The following ZNF804A variants were observed in gnomAD, a reference collection of about 807,000 sequenced individuals.
The protein encoded by ZNF804A is zinc finger protein 804A.
A neutral mutation model predicts 16.5 loss-of-function variants in ZNF804A; 2 were observed. The ratio of observed to expected loss-of-function variants is 0.12; its 90% confidence interval spans 0.05 to 0.38. The LOEUF is 0.38. ZNF804A is among the 10% of genes least tolerant of loss of function. The probability of loss-of-function intolerance (pLI) is 0.99; values close to 1 mark genes in which losing one functional copy is unlikely to be tolerated. For missense variants in ZNF804A, 1,473 were observed against 1,390.7 expected (o/e 1.06, Z -0.94); for synonymous variants, 534 against 489.6 (o/e 1.09, Z -1.20).
chr2:184,864,963 C>T (rs1695852780), intron 1 of ZNF804A, among the ~76,000 whole-genome samples: 1 of 147,828 alleles, frequency 6.8e-6, no homozygotes, highest in South Asian at 2.1e-4. Flanking sequence ...TCACTGCAAC[C>T]TCTGCCTCCC....
At chr2:184,652,754 C>A (rs1156827483) in intron 1 of ZNF804A, among the ~76,000 whole-genome samples, 8 of 152,072 alleles carry the variant, frequency 5.3e-5, no homozygotes, top group Non-Finnish European at 1.0e-4. Context: ...ATTGTAGTTC[C>A]CATAATCCCC....
In ZNF804A at chr2:184,606,526, G is replaced by T. The variant is rs77602866; in HGVS notation, c.111+7456G>T. ...ACACAGAGCCAAATCATATCACGTA[G>T]CCAGTTATTTAATCAAATTCTAATG... On this transcript the variant is annotated intron_variant, in intron 1 of 3. Transcript: ENST00000302277. Among the ~76,000 whole-genome samples the T allele has an allele frequency of 7.9e-3, 1,197 of 152,208 alleles. 20 individuals are homozygous for T. The highest frequency in any genetic ancestry group is 0.027 in the African/African-American group (1,138 of 41,522).
chr2:184,824,070 C>T (rs142818318), intron 1 of ZNF804A, among the ~76,000 whole-genome samples: 4 of 152,116 alleles, frequency 2.6e-5, no homozygotes, highest in Non-Finnish European at 5.9e-5. Context: ...TAGATACGCC[C>T]GGAATGTTCT....
intron 1 of ZNF804A, among the ~76,000 whole-genome samples, chr2:184,604,416 G>A (rs1691107282): frequency 6.6e-6 from 1 of 151,432 alleles, no homozygotes; most frequent in Non-Finnish European, 1.5e-5. Context: ...CTCATGATCC[G>A]CCAGCCTCAG....
At chr2:184,868,637 A>C (rs1695920238) in intron 2 of ZNF804A, among the ~76,000 whole-genome samples, 1 of 152,098 alleles carries the variant, frequency 6.6e-6, no homozygotes, top group South Asian at 2.1e-4. Context: ...ACAAACTTAA[A>C]AGAGAATGAG....
At chr2:184,810,819 A>C (rs532792487) in intron 1 of ZNF804A, among the ~76,000 whole-genome samples, 3 of 152,126 alleles carry the variant, frequency 2.0e-5, no homozygotes, top group Non-Finnish European at 4.4e-5. Flanking sequence ...GAGATTGATC[A>C]AATACACTAA....
intron 1 of ZNF804A, among the ~76,000 whole-genome samples, chr2:184,775,755 A>C (rs1341835950): frequency 6.6e-6 from 1 of 151,658 alleles, no homozygotes; most frequent in African/African-American, 2.4e-5. Flanking sequence ...CTGCTCAAGC[A>C]CTTCCTAGAC....
At chr2:184,666,281 C>T (rs1358396074) in intron 1 of ZNF804A, among the ~76,000 whole-genome samples, 1 of 151,804 alleles carries the variant, frequency 6.6e-6, no homozygotes, top group African/African-American at 2.4e-5. Flanking sequence ...CTCAAAATAG[C>T]CTTATTAATT....
At chr2:184,894,309 CA>C (rs1282969248) in intron 2 of ZNF804A, among the ~76,000 whole-genome samples, 3 of 152,090 alleles carry the variant, frequency 2.0e-5, no homozygotes, top group Non-Finnish European at 2.9e-5. Flanking sequence ...CATATTACTA[CA>C]TATACACCAA....
chr2:184,933,792 G>A (rs1685742758), intron 3 of ZNF804A, 59 bp downstream of exon 3: 2 of 1,532,928 alleles, frequency 1.3e-6, no homozygotes, highest in Admixed American at 2.3e-5. Flanking sequence ...GGGGTATAGG[G>A]GGAGTCAGAA....
At chr2:184,699,435 C>A (rs1692884958) in intron 1 of ZNF804A, among the ~76,000 whole-genome samples, 1 of 152,028 alleles carries the variant, frequency 6.6e-6, no homozygotes, top group Non-Finnish European at 1.5e-5. Context: ...ATCCAGATAA[C>A]CAAGTGACCT....
chr2:184,823,827 G>T (rs1695120541), intron 1 of ZNF804A, among the ~76,000 whole-genome samples: 1 of 151,916 alleles, frequency 6.6e-6, no homozygotes, highest in Non-Finnish European at 1.5e-5. Context: ...TAGTTTGTTG[G>T]GAAATTACAT....
intron 1 of ZNF804A, among the ~76,000 whole-genome samples, chr2:184,678,284 T>C (rs532977151): frequency 1.3e-5 from 2 of 152,228 alleles, no homozygotes; most frequent in South Asian, 4.1e-4. Flanking sequence ...GTGAGTGATT[T>C]TTTATTGCAG....
chr2:184,707,336 A>T (rs977049912), intron 1 of ZNF804A, among the ~76,000 whole-genome samples: 6 of 152,044 alleles, frequency 3.9e-5, no homozygotes, highest in Non-Finnish European at 8.8e-5. Context: ...ATAATGCCAG[A>T]TTTGTTACAT....
chr2:184,642,164 CT>C (rs1021222973), intron 1 of ZNF804A, among the ~76,000 whole-genome samples: 5 of 152,032 alleles, frequency 3.3e-5, no homozygotes, highest in African/African-American at 9.7e-5. Context: ...TATTTTTTTC[CT>C]GAGAGTAAAT....
rs1286833091 is a variant in ZNF804A at position 184,938,082 on chromosome 2, G to A, written c.2686G>A (p.Glu896Lys). The change falls in exon 4 of 4, where the codon GAG becomes AAG. Residue 896 changes from glutamate to lysine, a missense_variant. Physicochemically the swap from Glu to Lys is moderately conservative, Grantham distance 56 (BLOSUM62 1). Coordinates refer to ENST00000302277, the MANE Select transcript of ZNF804A (RefSeq NM_194250.2). ...LLPSETNGET[E>K]HLEMETTSGE... ...TCCTTCTGAAACCAATGGTGAAACT[G>A]AGCATTTAGAAATGGAGACCACTTC... 6.2e-6 allele frequency: 10 copies of A among 1,614,088 alleles called. No homozygotes were observed. The highest frequency in any genetic ancestry group is 8.5e-6 in the Non-Finnish European group (10 of 1,180,024).
chr2:184,899,372 A>C (rs777550014), intron 2 of ZNF804A, among the ~76,000 whole-genome samples: 1 of 152,016 alleles, frequency 6.6e-6, no homozygotes, highest in Non-Finnish European at 1.5e-5. Flanking sequence ...TAATAGGATA[A>C]TTTTTTAAAT....
At chr2:184,711,498 C>T (rs116538793) in intron 1 of ZNF804A, among the ~76,000 whole-genome samples, 2,756 of 151,848 alleles carry the variant, frequency 0.018, 77 homozygotes, top group African/African-American at 0.061. Context: ...TGTGCAGAAG[C>T]TTTTAAGTTA....
chr2:184,622,185 C>A (rs768984419), intron 1 of ZNF804A, among the ~76,000 whole-genome samples: 18 of 151,668 alleles, frequency 1.2e-4, no homozygotes, highest in Non-Finnish European at 1.9e-4. Context: ...TGAAAGGGTA[C>A]AATGATAACT....
Sources: allele counts gnomAD v4.1 joint callset (sites outside exome capture counted in the v4.1 genomes callset), GRCh38; gene constraint gnomAD v4.1.1; transcripts MANE v1.5; gene names NCBI Gene and HGNC (gene_info 2026-07-23, HGNC 2026-07-21).